C4orf36: variants seen among roughly 807,000 people sequenced by gnomAD.
C4orf36 encodes the protein chromosome 4 open reading frame 36.
Under a neutral mutation model 12.2 loss-of-function variants are expected in C4orf36, and 11 were observed. The observed-to-expected ratio is 0.90, with a 90% CI of 0.57 to 1.49. The LOEUF (loss-of-function observed/expected upper bound fraction) is 1.49. C4orf36 is among the 40% of genes most tolerant of loss of function. The pLI, the probability that C4orf36 is intolerant of heterozygous loss-of-function variation, is 0.00. For synonymous variants in C4orf36, 54 were observed against 51.3 expected (o/e 1.05, Z -0.22); for missense variants, 137 against 133.9 (o/e 1.02, Z -0.11).
At chr4:86,908,418 G>A in the C4orf36 span, among the ~76,000 whole-genome samples, 1 of 150,320 alleles carries the variant, frequency 6.7e-6, no homozygotes, top group East Asian at 1.9e-4. Flanking sequence ...TCTTAAGCAA[G>A]CAAGCTACTT....
chr4:86,887,534 T>C, intron 4 of C4orf36: 2 of 422,136 alleles, frequency 4.7e-6, no homozygotes, highest in South Asian at 1.8e-4. Context: ...TCCAAATGCA[T>C]TTTCATCTAC....
chr4:86,876,800 T>C, intron 4 of C4orf36: 1 of 1,319,374 alleles, frequency 7.6e-7, no homozygotes, highest in Non-Finnish European at 1.0e-6. Context: ...AAAAAAGAGA[T>C]TTTCTCATGG....
rs114072947 is a variant in C4orf36 at position 86,883,570 on chromosome 4, C to T, written c.*2+4188G>A. Among the ~76,000 whole-genome samples the T allele has an allele frequency of 2.9e-3, 440 of 152,250 alleles. 2 individuals are homozygous for T. Among genetic ancestry groups the T allele is most frequent in the Non-Finnish European group, 4.2e-3 (289 of 68,020 alleles). ...TAAGAAGTAGGTATACCTGTATTAT[C>T]CCCATTTTACAAATGAGAAAACAAA... On this transcript the variant is annotated intron_variant, in intron 4 of 4. Transcript: ENST00000295898.
chr4:86,928,626 C>G, the C4orf36 span, among the ~76,000 whole-genome samples: 3 of 152,212 alleles, frequency 2.0e-5, no homozygotes, highest in African/African-American at 7.2e-5. Flanking sequence ...TTGAAGCAGG[C>G]TGAGCTGACA....
the C4orf36 span, among the ~76,000 whole-genome samples, chr4:86,906,728 CAAAAAAAAAA>C: frequency 1.0e-4 from 8 of 78,820 alleles, no homozygotes; most frequent in South Asian, 1.1e-3. Context: ...AAGACGGTCT[CAAAAAAAAAA>C]AAAAAAAAAA....
intron 4 of C4orf36, chr4:86,876,768 T>C: frequency 7.0e-7 from 1 of 1,425,408 alleles, no homozygotes; most frequent in Non-Finnish European, 9.3e-7. Flanking sequence ...TAAAATAAAA[T>C]TGGTTGCAAT....
chr4:86,884,299 A>ATTTTT (rs150771483), intron 4 of C4orf36, among the ~76,000 whole-genome samples: 1 of 49,588 alleles, frequency 2.0e-5, no homozygotes, highest in African/African-American at 7.6e-5. Flanking sequence ...AAAAGACTGA[A>ATTTTT]TTTTTTTTTT....
the C4orf36 span, among the ~76,000 whole-genome samples, chr4:86,901,481 C>T: frequency 1.3e-5 from 2 of 151,926 alleles, no homozygotes; most frequent in South Asian, 4.1e-4. Flanking sequence ...GATCTCGGCT[C>T]ACTGCAAGCT....
chr4:86,910,170 G>T, the C4orf36 span, among the ~76,000 whole-genome samples: 26 of 152,214 alleles, frequency 1.7e-4, no homozygotes, highest in South Asian at 5.0e-3. Context: ...AGCTGGGTGT[G>T]GTTCCTCATG....
At chr4:86,892,083 A>AG in intron 1 of C4orf36, 100 bp downstream of exon 1, 1 of 985,738 alleles carries the variant, frequency 1.0e-6, no homozygotes, top group Non-Finnish European at 1.2e-6. Context: ...ACGGACGCGC[A>AG]GGGCCCGGGA....
the C4orf36 span, among the ~76,000 whole-genome samples, chr4:86,915,350 C>G: frequency 6.6e-6 from 1 of 152,234 alleles, no homozygotes; most frequent in Non-Finnish European, 1.5e-5. Context: ...TAGGTTCTGA[C>G]TCTTCACATC....
upstream of C4orf36, among the ~76,000 whole-genome samples, chr4:86,895,315 A>G (rs541341724): frequency 6.6e-6 from 1 of 152,258 alleles, no homozygotes; most frequent in East Asian, 1.9e-4. Context: ...CCCTGTCTCA[A>G]TTAAAAAAAA....
chr4:86,891,166 C>G (rs1275448911), intron 2 of C4orf36, among the ~76,000 whole-genome samples: 1 of 152,162 alleles, frequency 6.6e-6, no homozygotes, highest in East Asian at 1.9e-4. Context: ...GACTCCGAGT[C>G]TAGCCTTTGC....
At chr4:86,913,400 G>C in the C4orf36 span, 4 of 758,812 alleles carry the variant, frequency 5.3e-6, no homozygotes, top group South Asian at 5.6e-5. Flanking sequence ...TTCGGGTGCA[G>C]CATCTCCAAC....
chr4:86,890,994 CAAAG>C (rs1371670725), intron 2 of C4orf36, among the ~76,000 whole-genome samples: 5,222 of 151,798 alleles, frequency 0.034, 291 homozygotes, highest in African/African-American at 0.12. Flanking sequence ...CACTGCCTGC[CAAAG>C]TATACAGGAT....
At chr4:86,927,869 T>C in the C4orf36 span, among the ~76,000 whole-genome samples, 2 of 152,142 alleles carry the variant, frequency 1.3e-5, no homozygotes. Flanking sequence ...CCCTTTGCAA[T>C]TGCCACATAT....
At chr4:86,922,915 T>G in the C4orf36 span, among the ~76,000 whole-genome samples, 2 of 152,094 alleles carry the variant, frequency 1.3e-5, no homozygotes, top group East Asian at 3.9e-4. Context: ...TTAGAGGTAG[T>G]CATGCTGTTT....
At chr4:86,913,745 G>C in the C4orf36 span, 3 of 1,528,708 alleles carry the variant, frequency 2.0e-6, no homozygotes, top group Middle Eastern at 4.6e-4. Context: ...AGCCACCAGT[G>C]CCACTGCCAC....
the C4orf36 span, among the ~76,000 whole-genome samples, chr4:86,927,625 C>T: frequency 1.3e-5 from 2 of 151,940 alleles, no homozygotes; most frequent in Non-Finnish European, 2.9e-5. Context: ...AATGGTGAAA[C>T]CCTGTCTCTA....
Sources: allele counts gnomAD v4.1 joint callset (sites outside exome capture counted in the v4.1 genomes callset), GRCh38; gene constraint gnomAD v4.1.1; transcripts MANE v1.5; gene names NCBI Gene and HGNC (gene_info 2026-07-23, HGNC 2026-07-21).